Variants in SLC3A2 observed in about 807,000 individuals in gnomAD.
The protein encoded by SLC3A2 is solute carrier family 3 member 2.
SLC3A2 carries 32 observed loss-of-function variants against 48.5 expected under a neutral mutation model. That is an observed-to-expected ratio of 0.66 (90% CI 0.50 to 0.89). SLC3A2 has a LOEUF of 0.89. Ranked by LOEUF, SLC3A2 falls within the 40% of genes least tolerant of loss-of-function variation. The pLI, the probability that SLC3A2 is intolerant of heterozygous loss-of-function variation, is 0.00. For missense variants in SLC3A2, 587 were observed against 680.7 expected, an observed-to-expected ratio of 0.86 and a Z score of 1.53; for synonymous variants, 277 against 288.8, an observed-to-expected ratio of 0.96 and a Z score of 0.41.
intron 1 of SLC3A2, among the ~76,000 whole-genome samples, chr11:62,859,993 C>T (rs992590925): frequency 3.3e-5 from 5 of 152,190 alleles, no homozygotes; most frequent in African/African-American, 9.7e-5. Flanking sequence ...CAGCACTGGT[C>T]TCTGAGTTCC....
In SLC3A2 at chr11:62,881,446, G is replaced by T. The variant is rs753265539; in HGVS notation, c.423G>T (p.Ala141=). The change falls in exon 1 of 9, where the codon GCG becomes GCT. Residue 141 remains alanine, a splice_region_variant and synonymous_variant. Coordinates refer to ENST00000338663, the MANE Select transcript of SLC3A2 (RefSeq NM_001013251.3). The surrounding 1 kb of genome is among the most constrained non-coding windows in gnomAD (Gnocchi z 4.0). ...AFQGHGAGNL[A]GLKGRLDYLS... ...AGGGCCACGGCGCGGGCAACCTGGC[G>T]GGTGAGTGCAGCGCGCCCCCGTCCC... 6.3e-7 allele frequency: 1 copy of T among 1,580,968 alleles called. No individual in the cohort carries two copies. Among genetic ancestry groups the T allele is most frequent in the Non-Finnish European group, 8.5e-7 (1 of 1,171,634 alleles).
intron 5 of SLC3A2, among the ~76,000 whole-genome samples, chr11:62,884,893 G>C (rs369147787): frequency 3.9e-5 from 5 of 128,952 alleles, no homozygotes; most frequent in Non-Finnish European, 7.8e-5. Flanking sequence ...GTGCGATGGC[G>C]TGATCTTGGC....
chr11:62,877,432 G>A (rs768413288), upstream of SLC3A2, among the ~76,000 whole-genome samples: 1 of 152,190 alleles, frequency 6.6e-6, no homozygotes, highest in Non-Finnish European at 1.5e-5. Context: ...CCAAACACTT[G>A]CGAAGTGCCT....
Position 62,882,185 on chromosome 11 carries a change from A to T in SLC3A2, c.598+119A>T. The T allele has an allele frequency of 4.3e-6, 5 of 1,174,242 alleles. No individual in the cohort carries two copies. The South Asian group carries it at 5.7e-5, about 13-fold the overall frequency. 72.7% of individuals were successfully genotyped at this position (1,174,242 alleles called of 1,614,324 possible). A position where few individuals can be genotyped will look rare whatever the true frequency, so the allele number is the denominator to read the frequency against. ...CTCTGAGTTTTCCTAGGGCAGGTAG[A>T]GGGGAGATTTGTTAGTCTTCAGCCT... On this transcript the variant is annotated intron_variant, in intron 2 of 8. Coordinates refer to ENST00000338663, the MANE Select transcript of SLC3A2 (RefSeq NM_001013251.3).
chr11:62,866,086 A>G (rs1399632609), intron 1 of SLC3A2, among the ~76,000 whole-genome samples: 1 of 149,484 alleles, frequency 6.7e-6, no homozygotes, highest in Admixed American at 6.7e-5. Context: ...TATAGTACGT[A>G]TATCTATTCC....
At chr11:62,858,443 G>C (rs967630838) in intron 1 of SLC3A2, among the ~76,000 whole-genome samples, 1 of 152,154 alleles carries the variant, frequency 6.6e-6, no homozygotes, top group Non-Finnish European at 1.5e-5. Flanking sequence ...TTGGCCGGGC[G>C]TGGTGGCTCA....
intron 3 of SLC3A2, chr11:62,883,686 G>A (rs915579531): frequency 3.8e-6 from 1 of 262,674 alleles, no homozygotes; most frequent in African/African-American, 2.2e-5. Flanking sequence ...TCCAGTTTAG[G>A]CCTTGCCAGT....
chr11:62,878,013 G>A (rs139411332), upstream of SLC3A2, among the ~76,000 whole-genome samples: 937 of 152,136 alleles, frequency 6.2e-3, 33 homozygotes, highest in Admixed American at 0.045. Context: ...AAAATTAGCC[G>A]GGTGTGGCGG....
At position 62,881,002 on chromosome 11, in the gene SLC3A2, TGTCGCC is replaced by T; in HGVS notation, c.-20_-15del. The T allele has an allele frequency of 1.3e-6, 2 of 1,540,878 alleles. No individual in the cohort carries two copies. ...CACCATCTGACCGCAAGCTGCGTCG[TGTCGCC>T]GGTTCTGCAGGCACCATGAGCCAGG... On this transcript the variant is annotated 5_prime_UTR_variant, in exon 1 of 9. Coordinates refer to ENST00000338663, the MANE Select transcript of SLC3A2 (RefSeq NM_001013251.3). The surrounding 1 kb of genome is among the most constrained non-coding windows in gnomAD (Gnocchi z 4.0).
At chr11:62,871,695 TG>T (rs2085518832) in intron 1 of SLC3A2, 1 of 590,572 alleles carries the variant, frequency 1.7e-6, no homozygotes, top group Admixed American at 2.9e-5. Flanking sequence ...GCAAATAACA[TG>T]CTTGCTATCT....
At chr11:62,874,129 A>G (rs1418506062) in intron 1 of SLC3A2, among the ~76,000 whole-genome samples, 1 of 151,602 alleles carries the variant, frequency 6.6e-6, no homozygotes, top group African/African-American at 2.4e-5. Context: ...GTGATGACAA[A>G]GTTTTGGAGG....
At chr11:62,878,029 G>A (rs1269557601), upstream of SLC3A2, among the ~76,000 whole-genome samples, 2 of 151,988 alleles carry the variant, frequency 1.3e-5, no homozygotes, top group African/African-American at 4.8e-5. Context: ...GGCGGTGCAC[G>A]CCTCCTATAA....
At position 62,857,297 on chromosome 11, in the gene SLC3A2, G is replaced by C. The variant is rs2085343035; in HGVS notation, c.112+916G>C. ...CCATCATCATGCCACACTAATTTTT[G>C]TGTTTTTCGGAGAGACGGGGTTTCA... On this transcript the variant is annotated intron_variant, in intron 1 of 9. Transcript: ENST00000377889. 2.0e-5 allele frequency among the ~76,000 whole-genome samples: 3 copies of C among 152,026 alleles called. No individual in the cohort carries two copies. In the South Asian group the frequency reaches 6.2e-4, roughly 31 times the overall value.
chr11:62,878,342 A>G (rs1453144101), upstream of SLC3A2, among the ~76,000 whole-genome samples: 1 of 152,128 alleles, frequency 6.6e-6, no homozygotes, highest in Non-Finnish European at 1.5e-5. Context: ...GCTGGTATGC[A>G]GTGGTGCCAC....
Position 62,882,894 on chromosome 11 carries a change from C to T in SLC3A2, c.599-14C>T, listed in dbSNP as rs553057265. 6.2e-7 allele frequency: 1 copy of T among 1,606,910 alleles called. No individual in the cohort carries two copies. The highest frequency in any genetic ancestry group is 1.7e-5 in the Admixed American group (1 of 60,014). ...TAGACTGTCTCATGATTGCGTCTTC[C>T]TCCGTTGTTTTAGGCATCCGTGTCA... On this transcript the variant is annotated splice_polypyrimidine_tract_variant and intron_variant, in intron 2 of 8. Transcript: ENST00000338663.
rs761885905 is a variant in SLC3A2, at chr11:62,888,426, C to T, written c.1323C>T (p.His441=). The T allele has an allele frequency of 5.6e-6, 9 of 1,614,106 alleles. No individual in the cohort carries two copies. Among genetic ancestry groups the T allele is most frequent in the Admixed American group, 3.3e-5 (2 of 60,002 alleles). The change falls in exon 9 of 9, where the codon CAC becomes CAT. Residue 441 remains histidine (H), a synonymous_variant. Transcript: ENST00000338663. ...GCTCCCTACTGCATGGGGACTTCCA[C>T]GCGTTCTCCGCTGGGCCTGGACTCT... ...KERSLLHGDF[H]AFSAGPGLFS...
At chr11:62,880,333 A>AT (rs1388658488), upstream of SLC3A2, 2 of 152,302 alleles carry the variant, frequency 1.3e-5, no homozygotes, top group African/African-American at 4.8e-5. Flanking sequence ...TGAATTCAAG[A>AT]TGAGTCTTGA....
At chr11:62,880,855 G>T, upstream of SLC3A2, 1 of 1,381,668 alleles carries the variant, frequency 7.2e-7, no homozygotes, top group Non-Finnish European at 9.5e-7. Context: ...CCGGGGCGGG[G>T]CTCCGCTGCC....
intron 1 of SLC3A2, among the ~76,000 whole-genome samples, chr11:62,861,903 C>T (rs557786850): frequency 6.2e-4 from 87 of 140,106 alleles, no homozygotes; most frequent in South Asian, 4.2e-3. Context: ...AAGAGCAAAA[C>T]CTCTCTCAAA....
Sources: gnomAD v4.1 joint callset for allele counts (sites outside exome capture counted in the v4.1 genomes callset) on GRCh38, gnomAD v4.1.1 for gene constraint, Gnocchi (gnomAD v3.1) non-coding constraint, MANE v1.5 for transcripts, NCBI Gene and HGNC (gene_info 2026-07-23, HGNC 2026-07-21) for gene names.